Variants in TRPM1 observed in about 807,000 individuals in gnomAD.
TRPM1 encodes transient receptor potential cation channel subfamily M member 1, also known as TRPM1-203 APA Isoform, Intron 10.
A neutral mutation model predicts 149.4 loss-of-function variants in TRPM1; 113 were observed. That is an observed-to-expected ratio of 0.76 (90% CI 0.65 to 0.88). TRPM1 has a LOEUF of 0.88. Among genes scored for constraint, TRPM1 ranks in the 40% least tolerant of loss-of-function variants. TRPM1 has a pLI of 0.00. For synonymous variants in TRPM1, 741 were observed against 759.5 expected, an observed-to-expected ratio of 0.98 and a Z score of 0.40; for missense variants, 1,976 against 2,038.7, an observed-to-expected ratio of 0.97 and a Z score of 0.59.
intron 1 of TRPM1, among the ~76,000 whole-genome samples, chr15:31,089,123 CAG>C (rs1555427757): frequency 6.6e-6 from 1 of 152,166 alleles, no homozygotes; most frequent in Non-Finnish European, 1.5e-5. Context: ...GTGATGAATA[CAG>C]TGTGGAAACT....
Position 31,026,287 on chromosome 15 carries a change from A to AGTGTCGGCCAC in TRPM1, c.3497-27_3497-17dup, listed in dbSNP as rs2032748042. 3.1e-6 allele frequency: 5 copies of AGTGTCGGCCAC among 1,608,484 alleles called. No individual in the cohort carries two copies. The African/African-American group carries it at 6.7e-5, about 21-fold the overall frequency. On this transcript the variant is annotated splice_polypyrimidine_tract_variant and intron_variant, in intron 26 of 27. Transcript: ENST00000256552. ...AGGAAGAGCTCTGTGTGAAGGGAGA[A>AGTGTCGGCCAC]GTGTCGGCCACGTGAAAAACAAGAA...
chr15:31,049,249 T>A, intron 13 of TRPM1, 126 bp downstream of exon 13: 1 of 1,395,026 alleles, frequency 7.2e-7, no homozygotes. Context: ...AGTAGCCGCC[T>A]GCCATTAAGT....
chr15:31,027,680 T>C (rs2032846630), intron 25 of TRPM1, among the ~76,000 whole-genome samples: 2 of 152,238 alleles, frequency 1.3e-5, no homozygotes, highest in Non-Finnish European at 1.5e-5. Flanking sequence ...TTCTCATCTC[T>C]CAAGCCAGAA....
At chr15:31,121,323 G>T (rs1267774972) in intron 1 of TRPM1, among the ~76,000 whole-genome samples, 1 of 151,348 alleles carries the variant, frequency 6.6e-6, no homozygotes, top group Non-Finnish European at 1.5e-5. Flanking sequence ...ATATAAGCAG[G>T]AAAAAGAAAT....
Position 31,024,773 on chromosome 15 carries a change from G to C in TRPM1, c.3629+1366C>G, listed in dbSNP as rs181980694. Among the ~76,000 whole-genome samples the C allele has an allele frequency of 4.6e-3, 697 of 152,206 alleles. 2 individuals carry two copies. The highest frequency in any genetic ancestry group is 7.5e-3 in the Non-Finnish European group (510 of 68,000). ...AAAAAGTGGAAATTGGATTACATGGGGTACCTTAACTTTCTCATGAAGAAA... is the reference window on the plus strand; with the variant it reads ...AAAAAGTGGAAATTGGATTACATGGCGTACCTTAACTTTCTCATGAAGAAA... On this transcript the variant is annotated intron_variant, in intron 27 of 27. Coordinates refer to ENST00000256552, the MANE Select transcript of TRPM1 (RefSeq NM_001252024.2).
At chr15:31,127,298 C>T (rs2035963421) in intron 1 of TRPM1, among the ~76,000 whole-genome samples, 1 of 152,164 alleles carries the variant, frequency 6.6e-6, no homozygotes, top group African/African-American at 2.4e-5. Context: ...GGGTAGCTGC[C>T]ATCTGGGTGC....
chr15:31,135,806 T>C (rs1170605501), intron 1 of TRPM1, among the ~76,000 whole-genome samples: 1 of 152,178 alleles, frequency 6.6e-6, no homozygotes, highest in African/African-American at 2.4e-5. Flanking sequence ...CACCGGCTCC[T>C]CTTCCTCTTC....
Position 31,063,144 on chromosome 15 carries a change from A to G in TRPM1, c.939T>C (p.Phe313=). The change falls in exon 8 of 28, where the codon TTT becomes TTC. Residue 313 remains phenylalanine (F), a synonymous_variant. Coordinates refer to ENST00000256552, the MANE Select transcript of TRPM1 (RefSeq NM_001252024.2). The part of the protein sequence containing the change: ...GSGRASDILS[F]AHKYCEEGGI... ...CGCCTTCTTCACAGTACTTGTGCGC[A>G]AAGGACAGGATGTCCGAGGCACGTC... 1 of 1,614,238 alleles carries G rather than the reference A, an allele frequency of 6.2e-7. No homozygotes were observed. The highest frequency in any genetic ancestry group is 1.1e-5 in the South Asian group (1 of 91,084).
upstream of TRPM1, among the ~76,000 whole-genome samples, chr15:31,102,078 T>A (rs2035528496): frequency 6.6e-6 from 1 of 152,218 alleles, no homozygotes; most frequent in African/African-American, 2.4e-5. Context: ...AGCTGGGCAG[T>A]GTTCGTGCCC....
chr15:31,105,233 T>C (rs1221529859), upstream of TRPM1, among the ~76,000 whole-genome samples: 1 of 152,228 alleles, frequency 6.6e-6, no homozygotes, highest in South Asian at 2.1e-4. Flanking sequence ...CCCAGGAATC[T>C]CTGAGAGCCT....
rs886042252 is a variant in TRPM1, at chr15:31,040,259, C to T, written c.2175G>A (p.Leu725=). 2.5e-6 allele frequency: 4 copies of T among 1,614,222 alleles called. No homozygotes were observed. Among genetic ancestry groups the T allele is most frequent in the Non-Finnish European group, 3.4e-6 (4 of 1,180,040 alleles). ...GGCAGGTCGAGTTGCTCCAGTTTTT[C>T]AGCTCGTAGGTCAGGAGTTTCATAG... The part of the protein sequence containing the change: ...QIAMKLLTYE[L]KNWSNSTCLK... The change falls in exon 18 of 28, where the codon CTG becomes CTA. Residue 725 remains leucine, a synonymous_variant. Transcript: ENST00000256552. This position sits in a 1 kb window ranked among gnomAD's most constrained non-coding sequence, Gnocchi z 4.2.
chr15:31,081,315 A>AG (rs527556896), intron 2 of TRPM1, 38 bp downstream of exon 2: 11,957 of 627,908 alleles, frequency 0.019, 100 homozygotes, highest in Admixed American at 0.022. Flanking sequence ...TCAGGGGGGG[A>AG]GGGGGGGAAG....
chr15:31,080,251 T>C (rs1170629576), intron 2 of TRPM1, among the ~76,000 whole-genome samples: 1 of 152,180 alleles, frequency 6.6e-6, no homozygotes, highest in South Asian at 2.1e-4. Context: ...AGTAACAACG[T>C]ATTTACATAA....
At chr15:31,135,124 T>A (rs1158159061) in intron 1 of TRPM1, among the ~76,000 whole-genome samples, 1 of 152,258 alleles carries the variant, frequency 6.6e-6, no homozygotes, top group Admixed American at 6.5e-5. Flanking sequence ...GAAGTCCCGG[T>A]AAGAACTCAT....
intron 4 of TRPM1, among the ~76,000 whole-genome samples, chr15:31,069,191 C>A (rs1397229924): frequency 6.6e-6 from 1 of 152,170 alleles, no homozygotes; most frequent in African/African-American, 2.4e-5. Flanking sequence ...GCTGGCTTAG[C>A]TAGAACAGTG....
At chr15:31,073,205 T>C (rs2140972285) in intron 3 of TRPM1, among the ~76,000 whole-genome samples, 1 of 152,310 alleles carries the variant, frequency 6.6e-6, no homozygotes, top group South Asian at 2.1e-4. Context: ...GGTCCAAGAC[T>C]ATTCTTTTGC....
intron 1 of TRPM1, among the ~76,000 whole-genome samples, chr15:31,150,746 C>T (rs1440801961): frequency 1.3e-5 from 2 of 152,046 alleles, no homozygotes; most frequent in African/African-American, 2.4e-5. Context: ...TGAATACTTT[C>T]GAACAAAAGA....
At chr15:31,090,821 T>C (rs898591442) in intron 1 of TRPM1, among the ~76,000 whole-genome samples, 3 of 152,160 alleles carry the variant, frequency 2.0e-5, no homozygotes, top group Non-Finnish European at 2.9e-5. Flanking sequence ...GCTTTAGACG[T>C]ACCTGAGTCA....
chr15:31,104,814 T>G (rs1174329644), upstream of TRPM1, among the ~76,000 whole-genome samples: 1 of 152,130 alleles, frequency 6.6e-6, no homozygotes. Context: ...CAGGATGGTC[T>G]CAATCTCCTG....
Sources: gnomAD v4.1 joint callset for allele counts (sites outside exome capture counted in the v4.1 genomes callset) on GRCh38, gnomAD v4.1.1 for gene constraint, Gnocchi (gnomAD v3.1) non-coding constraint, MANE v1.5 for transcripts, NCBI Gene and HGNC (gene_info 2026-07-23, HGNC 2026-07-21) for gene names.